Variants in DRD3 observed in about 807,000 individuals in gnomAD.
The protein encoded by DRD3 is dopamine receptor D3, also known as D(3) dopamine receptor.
In DRD3, 19 loss-of-function variants were observed where a neutral mutation model predicts 36.3. That is an observed-to-expected ratio of 0.52 (90% CI 0.36 to 0.77). The LOEUF (loss-of-function observed/expected upper bound fraction) is 0.77, where lower values mean the gene tolerates loss of function less well. Among genes scored for constraint, DRD3 ranks in the 30% least tolerant of loss-of-function variants. DRD3 has a pLI of 0.00. For synonymous variants in DRD3, 195 were observed against 203.7 expected, an observed-to-expected ratio of 0.96 and a Z score of 0.36; for missense variants, 465 against 505.3, an observed-to-expected ratio of 0.92 and a Z score of 0.77.
rs191875416 is a variant in DRD3, at chr3:114,138,361, T to C, written c.723+1139A>G. 3.4e-3 allele frequency among the ~76,000 whole-genome samples: 523 copies of C among 152,268 alleles called. 5 individuals carry two copies. The highest frequency in any genetic ancestry group is 0.012 in the African/African-American group (500 of 41,532). ...GGTAATTTATAAAGAAAAAGAAGTT[T>C]AATGGATTCACAGTTCCATGTGGCT... is the stretch of plus-strand genomic sequence containing the variant. On this transcript the variant is annotated intron_variant, in intron 5 of 6. Transcript: ENST00000383673.
chr3:114,156,631 T>C (rs2077669780), intron 3 of DRD3, among the ~76,000 whole-genome samples: 1 of 152,124 alleles, frequency 6.6e-6, no homozygotes, highest in South Asian at 2.1e-4. Flanking sequence ...TCAAAATCCC[T>C]CAGTGCCTCC....
chr3:114,175,705 T>C (rs1303657546), intron 1 of DRD3, among the ~76,000 whole-genome samples: 1 of 152,186 alleles, frequency 6.6e-6, no homozygotes, highest in East Asian at 1.9e-4. Flanking sequence ...AGGCTCAGAA[T>C]TGATTTTCAG....
At chr3:114,130,946 T>A (rs974834578) in intron 6 of DRD3, among the ~76,000 whole-genome samples, 172 bp downstream of exon 6, 8 of 152,144 alleles carry the variant, frequency 5.3e-5, no homozygotes, top group Non-Finnish European at 1.5e-5. Context: ...TCAGCCTAGG[T>A]CTTTTGAATT....
In DRD3 at chr3:114,150,651, T is replaced by C. The variant is rs148909385; in HGVS notation, c.384-3094A>G. Among the ~76,000 whole-genome samples the C allele has an allele frequency of 5.4e-4, 82 of 152,324 alleles. 1 individual carries two copies. The highest frequency in any genetic ancestry group is 1.9e-3 in the African/African-American group (79 of 41,584). ...TCAGGGATCTAAGGTATAAGCTGGA[T>C]CTACCAATGGCTCAACATTTTTTGT... On this transcript the variant is annotated intron_variant, in intron 3 of 6. Coordinates refer to ENST00000383673, the MANE Select transcript of DRD3 (RefSeq NM_000796.6).
intron 1 of DRD3, among the ~76,000 whole-genome samples, chr3:114,184,647 C>T (rs773369656): frequency 2.0e-5 from 3 of 151,956 alleles, no homozygotes; most frequent in Admixed American, 6.6e-5. Flanking sequence ...GTTTATCTGG[C>T]AATGTCTTAT....
At position 114,128,927 on chromosome 3, in the gene DRD3, A is replaced by G. The variant is rs1434186337; in HGVS notation, c.1007-15T>C. The G allele has an allele frequency of 1.9e-6, 3 of 1,558,304 alleles. No homozygotes were observed. The highest frequency in any genetic ancestry group is 2.6e-6 in the Non-Finnish European group (3 of 1,152,618). Reference sequence around the variant, plus strand: ...AATGAAGGCCCCTAAGTTGCCAAATAAGAGAGAAACTGGGTAAGGGATTTG... The same window carrying G: ...AATGAAGGCCCCTAAGTTGCCAAATGAGAGAGAAACTGGGTAAGGGATTTG... On this transcript the variant is annotated splice_polypyrimidine_tract_variant and intron_variant, in intron 6 of 6. Transcript: ENST00000383673.
chr3:114,164,036 C>T (rs1208913749), intron 2 of DRD3, among the ~76,000 whole-genome samples: 5 of 151,388 alleles, frequency 3.3e-5, no homozygotes, highest in Admixed American at 2.6e-4. Flanking sequence ...GCCTGGCCAA[C>T]GTGGTGAAAC....
rs140910323 is a variant in DRD3 at position 114,191,503 on chromosome 3, G to C, written c.-156+7770C>G. 8.5e-5 allele frequency among the ~76,000 whole-genome samples: 13 copies of C among 152,342 alleles called. No individual in the cohort carries two copies. The East Asian group carries it at 2.5e-3, about 29-fold the overall frequency. ...GTGAGGCTGGGGAGAGAAGATGCCAGATGGTGTAGGAGTTTGCATTTTATT... is the reference window on the plus strand; with the variant it reads ...GTGAGGCTGGGGAGAGAAGATGCCACATGGTGTAGGAGTTTGCATTTTATT... On this transcript the variant is annotated intron_variant, in intron 1 of 7. Coordinates refer to the DRD3 transcript ENST00000460779.
rs1263065835 is a variant in DRD3, at chr3:114,159,632, G to C, written c.383+123C>G. 11 of 724,498 alleles carry C rather than the reference G, an allele frequency of 1.5e-5. No individual in the cohort carries two copies. The South Asian group carries it at 1.9e-4, about 13-fold the overall frequency. The allele number at this position is 724,498 out of a possible 1,614,324, so 44.9% of individuals were successfully genotyped here. A position where few individuals can be genotyped will look rare whatever the true frequency, so the allele number is the denominator to read the frequency against. ...AACCATACTTTAAAAGAAAAAGAGA[G>C]GAAAGAAAATGTTCCAGTGTCAAGT... On this transcript the variant is annotated intron_variant, in intron 3 of 6. Coordinates refer to ENST00000383673, the MANE Select transcript of DRD3 (RefSeq NM_000796.6).
intron 2 of DRD3, among the ~76,000 whole-genome samples, chr3:114,162,381 AG>A (rs1466618500): frequency 6.6e-6 from 1 of 152,206 alleles, no homozygotes; most frequent in Non-Finnish European, 1.5e-5. Flanking sequence ...TTTACTTGAT[AG>A]GGGATGGAGT....
Position 114,152,688 on chromosome 3 carries a change from T to C in DRD3, c.384-5131A>G, listed in dbSNP as rs554484623. Among the ~76,000 whole-genome samples the C allele has an allele frequency of 2.6e-5, 4 of 152,310 alleles. No individual in the cohort carries two copies. In the South Asian group the frequency reaches 8.3e-4, roughly 32 times the overall value. ...GCTCACCTGGGGGCTCTCCAGGCTC[T>C]GTGGGGAGGCAGAGAGGGAAAGCCC... On this transcript the variant is annotated intron_variant, in intron 3 of 6. Coordinates refer to ENST00000383673, the MANE Select transcript of DRD3 (RefSeq NM_000796.6).
chr3:114,189,543 G>A lies in DRD3; in HGVS notation c.-156+9730C>T, dbSNP rs974499522. Among the ~76,000 whole-genome samples, 10 of 152,202 alleles carry A rather than the reference G, an allele frequency of 6.6e-5. No homozygotes were observed. In the South Asian group the frequency reaches 8.3e-4, roughly 13 times the overall value. On this transcript the variant is annotated intron_variant, in intron 1 of 7. Transcript: ENST00000460779. ...TTTGAAAAGCTTAAGTATTTGGGCC[G>A]CAGACTAGGAAACTGACTTAATAAA...
At chr3:114,166,081 G>A (rs921317244) in intron 2 of DRD3, among the ~76,000 whole-genome samples, 1 of 151,234 alleles carries the variant, frequency 6.6e-6, no homozygotes, top group Non-Finnish European at 1.5e-5. Context: ...TGCCTCCCGG[G>A]TTCAAGCGAT....
At chr3:114,196,209 A>G (rs116514757) in intron 1 of DRD3, among the ~76,000 whole-genome samples, 1,551 of 152,324 alleles carry the variant, frequency 0.01, 17 homozygotes, top group Non-Finnish European at 0.015. Context: ...CCCATTATTT[A>G]TCAATTTCCA....
chr3:114,183,891 C>A (rs1021879857), upstream of DRD3, among the ~76,000 whole-genome samples: 2 of 151,948 alleles, frequency 1.3e-5, no homozygotes, highest in African/African-American at 4.8e-5. Flanking sequence ...GTATATCCAG[C>A]AATCATGTGT....
At chr3:114,166,112 A>G (rs1438132711) in intron 2 of DRD3, among the ~76,000 whole-genome samples, 1 of 151,170 alleles carries the variant, frequency 6.6e-6, no homozygotes, top group African/African-American at 2.4e-5. Context: ...TAGCCTCCCA[A>G]GTATCTGGGA....
intron 1 of DRD3, among the ~76,000 whole-genome samples, chr3:114,196,986 C>A (rs1405829126): frequency 7.0e-6 from 1 of 142,784 alleles, no homozygotes; most frequent in African/African-American, 2.6e-5. Flanking sequence ...TTCTTTTTTT[C>A]TTTTTTTTTT....
chr3:114,129,927 G>A (rs1373602769), intron 6 of DRD3, among the ~76,000 whole-genome samples: 5 of 151,938 alleles, frequency 3.3e-5, no homozygotes, highest in Non-Finnish European at 7.4e-5. Context: ...GTGTGGTAGC[G>A]CATGCCTGTA....
chr3:114,133,104 C>A (rs2077445326), intron 5 of DRD3, among the ~76,000 whole-genome samples: 1 of 151,988 alleles, frequency 6.6e-6, no homozygotes, highest in Non-Finnish European at 1.5e-5. Context: ...GATTCTCCTG[C>A]CTCAGCCTCC....
Sources: gnomAD v4.1 joint callset for allele counts (sites outside exome capture counted in the v4.1 genomes callset) on GRCh38, gnomAD v4.1.1 for gene constraint, MANE v1.5 for transcripts, NCBI Gene and HGNC (gene_info 2026-07-23, HGNC 2026-07-21) for gene names.